Variants in FZD3 observed in about 807,000 individuals in gnomAD.
FZD3 encodes frizzled class receptor 3.
FZD3 carries 30 observed loss-of-function variants against 60.7 expected under a neutral mutation model. That is an observed-to-expected ratio of 0.49 (90% confidence interval 0.37 to 0.67). The LOEUF (loss-of-function observed/expected upper bound fraction) is 0.67, where lower values mean the gene tolerates loss of function less well. Among genes scored for constraint, FZD3 ranks in the 30% least tolerant of loss-of-function variants. FZD3 has a pLI of 0.00. For synonymous variants in FZD3, 246 were observed against 275.2 expected (o/e 0.89, Z 1.05); for missense variants, 605 against 838.7 (o/e 0.72, Z 3.44).
At chr8:28,509,825 T>G (rs1233433155) in intron 3 of FZD3, among the ~76,000 whole-genome samples, 2 of 152,226 alleles carry the variant, frequency 1.3e-5, no homozygotes, top group Non-Finnish European at 2.9e-5. Context: ...CACATTTGGC[T>G]TATCCATTTA....
At chr8:28,517,620 T>C (rs1266353842) in intron 3 of FZD3, among the ~76,000 whole-genome samples, 3 of 152,184 alleles carry the variant, frequency 2.0e-5, no homozygotes, top group Admixed American at 1.3e-4. Context: ...CTGTATTTTT[T>C]GGTCTGTGAC....
intron 3 of FZD3, among the ~76,000 whole-genome samples, chr8:28,515,167 C>T (rs1425146250): frequency 6.6e-6 from 1 of 152,126 alleles, no homozygotes; most frequent in Non-Finnish European, 1.5e-5. Context: ...ATGTGTAAGG[C>T]ATTTTGAACA....
rs1184797260 is a variant in FZD3 at position 28,494,308 on chromosome 8, C to CCG, written c.-425_-424insGC. The stretch of plus-strand genomic sequence containing the variant: ...GGCCGCCCGCGGCAGGCGGTGCAGC[C>CCG]CCCCCACCCCTTGGAGCCAGGCGCC... On this transcript the variant is annotated 5_prime_UTR_variant, in exon 1 of 8. Coordinates refer to ENST00000240093, the MANE Select transcript of FZD3 (RefSeq NM_017412.4). 1 of 151,516 alleles carries CCG rather than the reference C, an allele frequency of 6.6e-6. No individual in the cohort carries two copies. Among genetic ancestry groups the CCG allele is most frequent in the Non-Finnish European group, 1.5e-5 (1 of 67,880 alleles). The allele number at this position is 151,516 out of a possible 1,614,324, so 9.4% of individuals were successfully genotyped here.
At chr8:28,506,114 G>A (rs1263504732) in intron 3 of FZD3, among the ~76,000 whole-genome samples, 1 of 152,196 alleles carries the variant, frequency 6.6e-6, no homozygotes, top group Non-Finnish European at 1.5e-5. Context: ...TGTTCAGCAT[G>A]GAGCAATAAT....
intron 5 of FZD3, among the ~76,000 whole-genome samples, chr8:28,536,452 A>G (rs1805016155): frequency 6.6e-6 from 1 of 152,202 alleles, no homozygotes; most frequent in Admixed American, 6.5e-5. Context: ...TCATGCCTGT[A>G]ATCCCAGCAC....
Position 28,551,771 on chromosome 8 carries a change from C to T in FZD3, c.1553+20C>T, listed in dbSNP as rs201782719. On this transcript the variant is annotated intron_variant, in intron 6 of 7. Coordinates refer to ENST00000240093, the MANE Select transcript of FZD3 (RefSeq NM_017412.4). ...AAAAGAGTAAGTTGAAATAAATGAT[C>T]ACAGTGTTCACAAACCTCACATTTA... The T allele has an allele frequency of 4.4e-6, 7 of 1,583,524 alleles. No homozygotes were observed. Among genetic ancestry groups the T allele is most frequent in the Non-Finnish European group, 5.1e-6 (6 of 1,165,848 alleles).
intron 5 of FZD3, 78 bp from the exon 6 acceptor site, chr8:28,551,525 A>G (rs1805410788): frequency 8.7e-7 from 1 of 1,146,342 alleles, no homozygotes; most frequent in African/African-American, 1.6e-5. Context: ...TCAAAAGAAA[A>G]AGAAAAAGAT....
intron 6 of FZD3, among the ~76,000 whole-genome samples, chr8:28,553,607 G>A (rs950633258): frequency 5.9e-5 from 9 of 152,134 alleles, no homozygotes; most frequent in Admixed American, 5.9e-4. Flanking sequence ...TGGTTGGGCC[G>A]AAATCCTTTT....
chr8:28,556,565 A>G (rs1239859466), intron 7 of FZD3, among the ~76,000 whole-genome samples: 1 of 152,230 alleles, frequency 6.6e-6, no homozygotes, highest in Admixed American at 6.5e-5. Flanking sequence ...GAACTAACAC[A>G]TAAGTATGAC....
rs544706596 is a variant in FZD3 at position 28,528,352 on chromosome 8, A to G, written c.1404+188A>G. 2.0e-5 allele frequency among the ~76,000 whole-genome samples: 3 copies of G among 152,182 alleles called. No homozygotes were observed. In the South Asian group the frequency reaches 6.2e-4, roughly 32 times the overall value. On this transcript the variant is annotated intron_variant, in intron 5 of 7. Coordinates refer to ENST00000240093, the MANE Select transcript of FZD3 (RefSeq NM_017412.4). ...ATACACATATTTGATAGACATCTTCATTTTAAAAGATGACTTAACAAGTCT... is the reference window on the plus strand; with the variant it reads ...ATACACATATTTGATAGACATCTTCGTTTTAAAAGATGACTTAACAAGTCT...
chr8:28,543,920 T>C (rs774207406), intron 5 of FZD3, among the ~76,000 whole-genome samples: 15 of 152,024 alleles, frequency 9.9e-5, no homozygotes, highest in Admixed American at 1.3e-4. Flanking sequence ...TAATTTTCAG[T>C]GGGGGAGATG....
intron 4 of FZD3, among the ~76,000 whole-genome samples, chr8:28,522,531 G>T (rs180802610): frequency 1.3e-5 from 2 of 152,226 alleles, no homozygotes; most frequent in Admixed American, 1.3e-4. Flanking sequence ...TTAGAAGTCT[G>T]TAAATTGGTA....
intron 1 of FZD3, 116 bp from the exon 2 acceptor site, chr8:28,499,817 C>G (rs1184922674): frequency 1.3e-5 from 2 of 151,836 alleles, no homozygotes; most frequent in Middle Eastern, 3.2e-3. Flanking sequence ...AATTTATGTC[C>G]TTTGCTTATT....
chr8:28,495,338 G>T (rs922078002), intron 1 of FZD3, among the ~76,000 whole-genome samples: 87 of 152,292 alleles, frequency 5.7e-4, no homozygotes, highest in African/African-American at 2.0e-3. Context: ...TCCCGTCTGG[G>T]TTGAGGGAGA....
intron 3 of FZD3, among the ~76,000 whole-genome samples, 161 bp from the exon 4 acceptor site, chr8:28,520,477 G>C (rs574714163): frequency 3.1e-4 from 47 of 152,150 alleles, no homozygotes; most frequent in African/African-American, 1.1e-3. Context: ...CAAGGGTAGG[G>C]CTAGGACAGT....
intron 1 of FZD3, among the ~76,000 whole-genome samples, chr8:28,496,083 A>G (rs1006647580): frequency 2.0e-5 from 3 of 152,068 alleles, no homozygotes; most frequent in African/African-American, 7.2e-5. Flanking sequence ...TTAGGTGGCT[A>G]TTTCTTGGGA....
chr8:28,547,579 A>T (rs1369653131), intron 5 of FZD3, among the ~76,000 whole-genome samples: 1 of 152,200 alleles, frequency 6.6e-6, no homozygotes, highest in Non-Finnish European at 1.5e-5. Flanking sequence ...TACCTATTTG[A>T]TAGGTTAAAA....
intron 6 of FZD3, 104 bp downstream of exon 6, chr8:28,551,855 CAA>C: frequency 2.2e-6 from 2 of 893,724 alleles, no homozygotes; most frequent in Non-Finnish European, 3.4e-6. Flanking sequence ...ATTATTCAAA[CAA>C]GACTAACATT....
chr8:28,571,464 T>C lies in FZD3; in HGVS notation c.*8453T>C, dbSNP rs958094574. The C allele has an allele frequency of 2.0e-5, 3 of 152,196 alleles. No homozygotes were observed. The highest frequency in any genetic ancestry group is 1.3e-4 in the Admixed American group (2 of 15,278). 9.4% of individuals were successfully genotyped at this position (152,196 alleles called of 1,614,324 possible). ...TGAACTTAAAATTTTTAAAATCATA[T>C]ATGGGACTCCCCAATGTGAAAATAT... On this transcript the variant is annotated 3_prime_UTR_variant, in exon 8 of 8. Coordinates refer to ENST00000240093, the MANE Select transcript of FZD3 (RefSeq NM_017412.4).
Sources: allele counts gnomAD v4.1 joint callset (sites outside exome capture counted in the v4.1 genomes callset), GRCh38; gene constraint gnomAD v4.1.1; transcripts MANE v1.5; gene names NCBI Gene and HGNC (gene_info 2026-07-23, HGNC 2026-07-21).